The following NTM variants were observed in gnomAD, a reference collection of about 807,000 sequenced individuals.
NTM encodes IgLON family member 2.
In NTM, 13 loss-of-function variants were observed where a neutral mutation model predicts 42.1. That is an observed-to-expected ratio of 0.31 (90% CI 0.20 to 0.49). The LOEUF (loss-of-function observed/expected upper bound fraction) is 0.49. Ranked by LOEUF, NTM falls within the 20% of genes least tolerant of loss-of-function variation. NTM has a pLI of 0.99. For synonymous variants in NTM, 187 were observed against 179.2 expected, an observed-to-expected ratio of 1.04 and a Z score of -0.35; for missense variants, 373 against 452.8, an observed-to-expected ratio of 0.82 and a Z score of 1.60.
At chr11:131,418,905 C>T (rs571479257) in intron 1 of NTM, among the ~76,000 whole-genome samples, 4 of 152,064 alleles carry the variant, frequency 2.6e-5, no homozygotes, top group Non-Finnish European at 4.4e-5. Context: ...ATCAGGGTGG[C>T]GCCTCATGAA....
intron 1 of NTM, among the ~76,000 whole-genome samples, chr11:131,665,510 C>T (rs916236515): frequency 1.7e-4 from 26 of 152,054 alleles, no homozygotes; most frequent in Non-Finnish European, 2.9e-4. Context: ...TCCAATATGA[C>T]GAATGTCCTT....
intron 2 of NTM, among the ~76,000 whole-genome samples, chr11:132,074,733 G>A (rs1441812184): frequency 2.6e-5 from 4 of 152,192 alleles, no homozygotes; most frequent in Non-Finnish European, 5.9e-5. Context: ...GGAGAAATTT[G>A]TTAAAGAATA....
chr11:132,027,503 T>C (rs1158809443), intron 2 of NTM, among the ~76,000 whole-genome samples: 1 of 152,230 alleles, frequency 6.6e-6, no homozygotes, highest in Non-Finnish European at 1.5e-5. Flanking sequence ...ACGAATAATT[T>C]TGCTGGATAC....
intron 2 of NTM, among the ~76,000 whole-genome samples, chr11:132,100,047 G>T (rs1160058005): frequency 1.3e-5 from 2 of 152,030 alleles, no homozygotes; most frequent in Admixed American, 6.6e-5. Context: ...AACAAAATAG[G>T]CATTCTCACA....
chr11:132,170,495 AC>A (rs1472077679), intron 3 of NTM, among the ~76,000 whole-genome samples: 2 of 152,186 alleles, frequency 1.3e-5, no homozygotes, highest in Non-Finnish European at 2.9e-5. Context: ...CTTCTTTATA[AC>A]CACATAGGAT....
intron 1 of NTM, among the ~76,000 whole-genome samples, chr11:131,440,222 G>A (rs1949502848): frequency 6.6e-6 from 1 of 151,728 alleles, no homozygotes; most frequent in Non-Finnish European, 1.5e-5. Context: ...TTAATTTCTA[G>A]GAGTTCTTTA....
chr11:132,016,958 A>T (rs1246759981), intron 2 of NTM, among the ~76,000 whole-genome samples: 4 of 151,996 alleles, frequency 2.6e-5, no homozygotes, highest in Non-Finnish European at 5.9e-5. Context: ...TGAGGTGTCT[A>T]TTCAAATATT....
chr11:132,171,277 T>C (rs1337507602), intron 3 of NTM, among the ~76,000 whole-genome samples: 2 of 152,220 alleles, frequency 1.3e-5, no homozygotes, highest in Non-Finnish European at 2.9e-5. Context: ...ATCTCCTGTC[T>C]TAATCTGCCC....
chr11:131,856,582 T>C (rs929818762), intron 1 of NTM, among the ~76,000 whole-genome samples: 4 of 152,212 alleles, frequency 2.6e-5, no homozygotes, highest in Non-Finnish European at 5.9e-5. Flanking sequence ...AATTAAATGA[T>C]GAACAAAGCA....
chr11:131,459,495 A>G (rs1951186565), intron 1 of NTM, among the ~76,000 whole-genome samples: 1 of 150,878 alleles, frequency 6.6e-6, no homozygotes, highest in Non-Finnish European at 1.5e-5. Flanking sequence ...TTTAGAAAGA[A>G]AGACTATAGA....
At chr11:131,857,032 AGTT>A (rs1266496420) in intron 1 of NTM, among the ~76,000 whole-genome samples, 1 of 152,190 alleles carries the variant, frequency 6.6e-6, no homozygotes, top group Non-Finnish European at 1.5e-5. Context: ...GTATCTAAGA[AGTT>A]TGTTAGCCCT....
At chr11:132,079,047 T>C (rs1215114521) in intron 2 of NTM, among the ~76,000 whole-genome samples, 1 of 152,178 alleles carries the variant, frequency 6.6e-6, no homozygotes, top group Admixed American at 6.5e-5. Context: ...GCTGGAGCAA[T>C]GCTTGGTGAG....
At chr11:131,872,631 T>C (rs2047903271) in intron 1 of NTM, among the ~76,000 whole-genome samples, 1 of 152,200 alleles carries the variant, frequency 6.6e-6, no homozygotes, top group African/African-American at 2.4e-5. Context: ...ATATGAATGG[T>C]GTATTTATGA....
At position 131,654,019 on chromosome 11, in the gene NTM, G is replaced by A. The variant is rs559876814; in HGVS notation, c.83-257545G>A. Reference sequence around the variant, plus strand: ...TGACTGTCTCTTGGCTTCCCTGCCCGTCAGATGGAGAGTTCATTCATTGAT... The same window carrying A: ...TGACTGTCTCTTGGCTTCCCTGCCCATCAGATGGAGAGTTCATTCATTGAT... On this transcript the variant is annotated intron_variant, in intron 1 of 8. Coordinates refer to ENST00000683400, the MANE Select transcript of NTM (RefSeq NM_001352005.2). 5.3e-5 allele frequency among the ~76,000 whole-genome samples: 8 copies of A among 152,270 alleles called. 1 individual carries two copies. The South Asian group carries it at 1.0e-3, about 20-fold the overall frequency.
intron 1 of NTM, among the ~76,000 whole-genome samples, chr11:131,529,708 A>T (rs201117409): frequency 6.6e-6 from 1 of 152,204 alleles, no homozygotes; most frequent in East Asian, 1.9e-4. Context: ...GAGAAAAATC[A>T]AAAGAAAGAC....
chr11:132,186,744 G>A (rs2078460297), intron 3 of NTM, among the ~76,000 whole-genome samples: 1 of 152,134 alleles, frequency 6.6e-6, no homozygotes, highest in Admixed American at 6.5e-5. Flanking sequence ...AATAATTTCA[G>A]TTTTATAAAT....
chr11:132,154,176 A>G (rs1591858792), intron 3 of NTM, among the ~76,000 whole-genome samples: 1 of 152,316 alleles, frequency 6.6e-6, no homozygotes, highest in East Asian at 1.9e-4. Context: ...GGAACCAGAT[A>G]GGCTTCCAAT....
At chr11:131,838,161 A>G (rs2136637573) in intron 1 of NTM, among the ~76,000 whole-genome samples, 1 of 152,098 alleles carries the variant, frequency 6.6e-6, no homozygotes, top group African/African-American at 2.4e-5. Context: ...CGGAAGGACG[A>G]CTCGGTTCCA....
intron 1 of NTM, among the ~76,000 whole-genome samples, chr11:131,751,972 T>A (rs1316392799): frequency 2.0e-5 from 3 of 152,164 alleles, no homozygotes; most frequent in African/African-American, 7.2e-5. Flanking sequence ...AATTGCTTCA[T>A]AAATGCAGAA....
Sources: allele counts gnomAD v4.1 joint callset (sites outside exome capture counted in the v4.1 genomes callset), GRCh38; gene constraint gnomAD v4.1.1; transcripts MANE v1.5; gene names NCBI Gene and HGNC (gene_info 2026-07-23, HGNC 2026-07-21).